The following GPC5 variants were observed in gnomAD, a reference collection of about 807,000 sequenced individuals.
The protein encoded by GPC5 is glypican 5.
GPC5 carries 47 observed loss-of-function variants against 53.9 expected under a neutral mutation model. The ratio of observed to expected loss-of-function variants is 0.87; its 90% CI spans 0.69 to 1.11. The LOEUF (loss-of-function observed/expected upper bound fraction) is 1.11, where lower values mean the gene tolerates loss of function less well. Among genes scored for constraint, GPC5 ranks in the 50% most tolerant of loss-of-function variants. The pLI, the probability that GPC5 is intolerant of heterozygous loss-of-function variation, is 0.00. For synonymous variants in GPC5, 286 were observed against 263.3 expected (o/e 1.09, Z -0.84); for missense variants, 748 against 713.1 (o/e 1.05, Z -0.56).
chr13:92,432,379 T>C (rs918177528), intron 7 of GPC5, among the ~76,000 whole-genome samples: 6 of 122,284 alleles, frequency 4.9e-5, no homozygotes, highest in African/African-American at 1.6e-4. Flanking sequence ...TTTTTTTTTT[T>C]CTTGAGATGG....
At chr13:92,788,757 G>A (rs1024782831) in intron 7 of GPC5, among the ~76,000 whole-genome samples, 4 of 152,134 alleles carry the variant, frequency 2.6e-5, no homozygotes, top group Admixed American at 1.3e-4. Flanking sequence ...TTAAGGAAAG[G>A]GAGCAGGAGT....
intron 6 of GPC5, among the ~76,000 whole-genome samples, chr13:92,028,683 A>T (rs1566401628): frequency 6.6e-6 from 1 of 152,196 alleles, no homozygotes; most frequent in Non-Finnish European, 1.5e-5. Flanking sequence ...ACCTTAAAAC[A>T]AAGTTCACTT....
Position 91,811,330 on chromosome 13 carries a change from T to A in GPC5, c.1280+54910T>A, listed in dbSNP as rs1039975958. On this transcript the variant is annotated intron_variant, in intron 5 of 7. Transcript: ENST00000377067. Reference sequence around the variant, plus strand: ...TTCTAACAGGGAAGACAGATAAGTGTTACTTATCTGTAAGGTGTTTCTCTA... The same window carrying A: ...TTCTAACAGGGAAGACAGATAAGTGATACTTATCTGTAAGGTGTTTCTCTA... Among the ~76,000 whole-genome samples, 26 of 152,200 alleles carry A rather than the reference T, an allele frequency of 1.7e-4. No individual in the cohort carries two copies. The East Asian group carries it at 2.3e-3, about 14-fold the overall frequency.
At chr13:91,909,102 G>A (rs1354245604) in intron 6 of GPC5, among the ~76,000 whole-genome samples, 1 of 152,122 alleles carries the variant, frequency 6.6e-6, no homozygotes, top group Non-Finnish European at 1.5e-5. Flanking sequence ...CTTCTGCGAG[G>A]CAACAATGCT....
intron 3 of GPC5, among the ~76,000 whole-genome samples, chr13:91,703,288 T>G (rs2036031665): frequency 6.6e-6 from 1 of 152,098 alleles, no homozygotes; most frequent in South Asian, 2.1e-4. Flanking sequence ...TTTTCACTAT[T>G]GAGTATAATG....
chr13:92,734,260 C>G (rs1888881509), intron 7 of GPC5, among the ~76,000 whole-genome samples: 1 of 151,784 alleles, frequency 6.6e-6, no homozygotes, highest in Non-Finnish European at 1.5e-5. Context: ...CTCATTGACT[C>G]TCATCTCATT....
chr13:92,054,149 G>GGT (rs141324926), intron 6 of GPC5, among the ~76,000 whole-genome samples: 4,183 of 145,976 alleles, frequency 0.029, 83 homozygotes, highest in African/African-American at 0.053. Context: ...ACTTTGGAGG[G>GGT]GTGTGTGTGT....
chr13:91,523,864 G>A (rs1478535693), intron 2 of GPC5, among the ~76,000 whole-genome samples: 2 of 151,698 alleles, frequency 1.3e-5, no homozygotes, highest in Non-Finnish European at 2.9e-5. Flanking sequence ...TGCATAATAC[G>A]AGTCACTCAA....
At chr13:91,855,671 A>G (rs1178734530) in intron 5 of GPC5, among the ~76,000 whole-genome samples, 4 of 151,638 alleles carry the variant, frequency 2.6e-5, no homozygotes, top group Non-Finnish European at 5.9e-5. Context: ...TTCATGATAT[A>G]TGTCTCAAGT....
rs114190113 is a variant in GPC5, at chr13:92,677,279, A to G, written c.1562-189003A>G. On this transcript the variant is annotated intron_variant, in intron 7 of 7. Coordinates refer to ENST00000377067, the MANE Select transcript of GPC5 (RefSeq NM_004466.6). ...AATAGCACCACTCTTTTATAATCAC[A>G]TCACTAATTTTATTTATGTCACAAA... Among the ~76,000 whole-genome samples the G allele has an allele frequency of 7.8e-4, 119 of 152,296 alleles. 1 individual carries two copies. Among genetic ancestry groups the G allele is most frequent in the African/African-American group, 2.5e-3 (106 of 41,570 alleles).
chr13:91,519,489 C>T (rs867909593), intron 2 of GPC5, among the ~76,000 whole-genome samples: 3 of 151,998 alleles, frequency 2.0e-5, no homozygotes, highest in South Asian at 2.1e-4. Context: ...TCTTGAGATC[C>T]GGTTGTTTAA....
At chr13:92,415,588 A>G (rs1396751941) in intron 7 of GPC5, among the ~76,000 whole-genome samples, 1 of 152,014 alleles carries the variant, frequency 6.6e-6, no homozygotes, top group African/African-American at 2.4e-5. Context: ...GTGAGCTTGA[A>G]GTGTCTGTGG....
At chr13:91,789,306 T>C (rs2037927155) in intron 5 of GPC5, among the ~76,000 whole-genome samples, 1 of 152,230 alleles carries the variant, frequency 6.6e-6, no homozygotes, top group Non-Finnish European at 1.5e-5. Flanking sequence ...GTTTGAGTAC[T>C]TTAATGCTTT....
chr13:91,526,736 G>T (rs530048668), intron 2 of GPC5, among the ~76,000 whole-genome samples: 1 of 152,100 alleles, frequency 6.6e-6, no homozygotes, highest in Admixed American at 6.6e-5. Context: ...CCTGAGACTG[G>T]GTAATTTATG....
intron 2 of GPC5, among the ~76,000 whole-genome samples, chr13:91,644,136 T>C (rs917415143): frequency 6.6e-6 from 1 of 152,182 alleles, no homozygotes; most frequent in African/African-American, 2.4e-5. Flanking sequence ...TTTAAGATTA[T>C]GTATGTGGCT....
chr13:92,830,266 C>A lies in GPC5; in HGVS notation c.1562-36016C>A, dbSNP rs148328110. 2.1e-3 allele frequency among the ~76,000 whole-genome samples: 324 copies of A among 152,006 alleles called. 1 individual carries two copies. Among genetic ancestry groups the A allele is most frequent in the African/African-American group, 7.2e-3 (299 of 41,478 alleles). Reference sequence around the variant, plus strand: ...CTAAGTTAAGAATGATCTATCATAGCCAAAAATAAATTGAAATAGGATGTG... The same window carrying A: ...CTAAGTTAAGAATGATCTATCATAGACAAAAATAAATTGAAATAGGATGTG... On this transcript the variant is annotated intron_variant, in intron 7 of 7. Transcript: ENST00000377067.
intron 6 of GPC5, among the ~76,000 whole-genome samples, chr13:92,045,760 G>A (rs1365572684): frequency 6.6e-6 from 1 of 152,068 alleles, no homozygotes. Context: ...GAGAACTATG[G>A]CAACTGAGAT....
chr13:92,604,366 T>C (rs986742387), intron 7 of GPC5, among the ~76,000 whole-genome samples: 4 of 152,174 alleles, frequency 2.6e-5, no homozygotes, highest in Non-Finnish European at 4.4e-5. Context: ...ACTCAATAAA[T>C]GTTAAAAATA....
chr13:92,374,357 A>G (rs1468943674), intron 7 of GPC5, among the ~76,000 whole-genome samples: 1 of 152,098 alleles, frequency 6.6e-6, no homozygotes, highest in African/African-American at 2.4e-5. Flanking sequence ...TTTATAGTAT[A>G]TACTGATTTC....
Sources: gnomAD v4.1 joint callset for allele counts (sites outside exome capture counted in the v4.1 genomes callset) on GRCh38, gnomAD v4.1.1 for gene constraint, MANE v1.5 for transcripts, NCBI Gene and HGNC (gene_info 2026-07-23, HGNC 2026-07-21) for gene names.